Variants in AGBL1 observed in about 807,000 individuals in gnomAD.
The protein encoded by AGBL1 is AGBL carboxypeptidase 1.
A neutral mutation model predicts 118.9 loss-of-function variants in AGBL1; 130 were observed. That is an observed-to-expected ratio of 1.09 (90% CI 0.95 to 1.26). AGBL1 has a LOEUF of 1.26. Among genes scored for constraint, AGBL1 ranks in the 50% most tolerant of loss-of-function variants. The pLI, the probability that AGBL1 is intolerant of heterozygous loss-of-function variation, is 0.00. For missense variants in AGBL1, 1,584 were observed against 1,298.1 expected (o/e 1.22, Z -3.38); for synonymous variants, 555 against 478.9 (o/e 1.16, Z -2.08).
intron 17 of AGBL1, among the ~76,000 whole-genome samples, chr15:86,337,359 G>T (rs945362057): frequency 1.3e-5 from 2 of 152,112 alleles, no homozygotes; most frequent in Non-Finnish European, 2.9e-5. Flanking sequence ...AAGTAGGAAG[G>T]AAAAGAAGGA....
chr15:86,101,401 A>G (rs1262904831), intron 1 of AGBL1, among the ~76,000 whole-genome samples: 4 of 40,336 alleles, frequency 9.9e-5, no homozygotes, highest in African/African-American at 7.9e-5. Context: ...CTTAAATCCA[A>G]TGGTTTTTTT....
intron 23 of AGBL1, among the ~76,000 whole-genome samples, chr15:86,933,180 G>A (rs551624094): frequency 1.3e-5 from 2 of 152,258 alleles, no homozygotes; most frequent in South Asian, 2.1e-4. Flanking sequence ...GAAATCTAAC[G>A]TGGCTGACTC....
chr15:86,766,401 A>T (rs1476961963), intron 22 of AGBL1, among the ~76,000 whole-genome samples: 1 of 151,996 alleles, frequency 6.6e-6, no homozygotes, highest in Admixed American at 6.6e-5. Flanking sequence ...TACTTATGGT[A>T]TAAATGGAGG....
At chr15:86,607,817 A>G (rs944279024) in intron 21 of AGBL1, among the ~76,000 whole-genome samples, 20 of 152,254 alleles carry the variant, frequency 1.3e-4, no homozygotes, top group African/African-American at 4.8e-4. Flanking sequence ...TGATGTCTCA[A>G]GGGGAATGTG....
chr15:87,025,421 A>G (rs1017824665), intron 24 of AGBL1, among the ~76,000 whole-genome samples: 11 of 152,034 alleles, frequency 7.2e-5, no homozygotes, highest in African/African-American at 2.7e-4. Flanking sequence ...CATGAAAAAA[A>G]CTTAGGAATA....
chr15:86,525,776 C>T (rs527330702), intron 19 of AGBL1, among the ~76,000 whole-genome samples: 14 of 152,106 alleles, frequency 9.2e-5, no homozygotes, highest in African/African-American at 2.9e-4. Flanking sequence ...AGAAAACCTA[C>T]GAAAAACTCT....
chr15:86,150,227 C>A (rs2077089399), intron 3 of AGBL1, among the ~76,000 whole-genome samples: 1 of 152,074 alleles, frequency 6.6e-6, no homozygotes, highest in Admixed American at 6.6e-5. Context: ...ACTAGAGAAA[C>A]AAGAACAAAC....
chr15:86,252,529 A>G (rs143062260), intron 7 of AGBL1, among the ~76,000 whole-genome samples: 253 of 152,322 alleles, frequency 1.7e-3, no homozygotes, highest in African/African-American at 5.9e-3. Flanking sequence ...CTATATGGGA[A>G]AATAGGATAT....
Position 86,522,556 on chromosome 15 carries a change from C to G in AGBL1, c.2556-254C>G, listed in dbSNP as rs2083203147. Reference sequence around the variant, plus strand: ...GGGGAACTACATTTTCCAACTTTGTCTTAAAACTCTGATAATCTGATAGCA... The same window carrying G: ...GGGGAACTACATTTTCCAACTTTGTGTTAAAACTCTGATAATCTGATAGCA... On this transcript the variant is annotated intron_variant, in intron 18 of 22. Transcript: ENST00000614907. 2.0e-5 allele frequency among the ~76,000 whole-genome samples: 3 copies of G among 152,198 alleles called. No individual in the cohort carries two copies. In the South Asian group the frequency reaches 6.2e-4, roughly 32 times the overall value.
chr15:86,608,533 C>T (rs1034544240), intron 21 of AGBL1, among the ~76,000 whole-genome samples: 1 of 152,096 alleles, frequency 6.6e-6, no homozygotes, highest in Admixed American at 6.6e-5. Context: ...ATGCTTGGGT[C>T]CTGAGAGGCA....
chr15:86,688,275 G>A (rs1415038679), intron 22 of AGBL1, among the ~76,000 whole-genome samples: 3 of 151,900 alleles, frequency 2.0e-5, no homozygotes, highest in African/African-American at 7.3e-5. Flanking sequence ...AGGAGGAGAA[G>A]GGTGGGGAGG....
intron 23 of AGBL1, among the ~76,000 whole-genome samples, chr15:86,978,552 G>T (rs1473854928): frequency 6.6e-6 from 1 of 152,136 alleles, no homozygotes; most frequent in African/African-American, 2.4e-5. Flanking sequence ...GAAAATGAAT[G>T]ACTCAGAAAA....
intron 22 of AGBL1, among the ~76,000 whole-genome samples, chr15:86,822,482 T>G (rs1368471680): frequency 6.6e-6 from 1 of 152,122 alleles, no homozygotes; most frequent in Non-Finnish European, 1.5e-5. Flanking sequence ...CCTTCACCTG[T>G]GCATAATTGG....
chr15:86,949,230 C>T (rs183279989), intron 23 of AGBL1, among the ~76,000 whole-genome samples: 3 of 151,990 alleles, frequency 2.0e-5, no homozygotes, highest in Non-Finnish European at 4.4e-5. Context: ...TTGCAGCAGA[C>T]CCATGTTCCT....
chr15:86,724,393 G>A (rs188757007), intron 22 of AGBL1, among the ~76,000 whole-genome samples: 1 of 151,902 alleles, frequency 6.6e-6, no homozygotes, highest in Admixed American at 6.5e-5. Flanking sequence ...CAAGAATTAT[G>A]ACAAGCATTA....
chr15:86,813,771 A>G (rs2141372692), intron 22 of AGBL1, among the ~76,000 whole-genome samples: 1 of 152,344 alleles, frequency 6.6e-6, no homozygotes, highest in Middle Eastern at 3.4e-3. Context: ...GGGCTATTCA[A>G]ACTACATAGC....
intron 22 of AGBL1, among the ~76,000 whole-genome samples, chr15:86,808,433 C>T (rs1596501268): frequency 6.6e-6 from 1 of 152,286 alleles, no homozygotes; most frequent in East Asian, 1.9e-4. Context: ...AGTTTTCCCT[C>T]ATCTTTCATA....
intron 1 of AGBL1, among the ~76,000 whole-genome samples, chr15:86,095,870 T>A (rs1283529708): frequency 6.6e-6 from 1 of 152,118 alleles, no homozygotes; most frequent in African/African-American, 2.4e-5. Flanking sequence ...ATTAATTGGC[T>A]ATGTGACCTT....
intron 17 of AGBL1, among the ~76,000 whole-genome samples, chr15:86,393,140 C>T (rs2081312989): frequency 6.6e-6 from 1 of 152,132 alleles, no homozygotes; most frequent in East Asian, 1.9e-4. Flanking sequence ...ATCGTTGTCC[C>T]CATTTGCTTC....
Sources: allele counts gnomAD v4.1 joint callset (sites outside exome capture counted in the v4.1 genomes callset), GRCh38; gene constraint gnomAD v4.1.1; transcripts MANE v1.5; gene names NCBI Gene and HGNC (gene_info 2026-07-23, HGNC 2026-07-21).